PDE10A: variants seen among roughly 807,000 people sequenced by gnomAD.
The protein encoded by PDE10A is cAMP and cAMP-inhibited cGMP 3',5'-cyclic phosphodiesterase 10A.
In PDE10A, 39 loss-of-function variants were observed where a neutral mutation model predicts 97.7. The observed-to-expected ratio is 0.40, with a 90% confidence interval of 0.31 to 0.52. The LOEUF (loss-of-function observed/expected upper bound fraction) is 0.52, where lower values mean the gene tolerates loss of function less well. Ranked by LOEUF, PDE10A falls within the 20% of genes least tolerant of loss-of-function variation. The probability of loss-of-function intolerance (pLI) is 0.56; values close to 1 mark genes in which losing one functional copy is unlikely to be tolerated. For synonymous variants in PDE10A, 371 were observed against 376.8 expected (o/e 0.98, Z 0.18); for missense variants, 731 against 1,047.8 (o/e 0.70, Z 4.17).
intron 1 of PDE10A, among the ~76,000 whole-genome samples, chr6:165,815,927 C>A (rs2128468134): frequency 6.6e-6 from 1 of 152,058 alleles, no homozygotes; most frequent in Non-Finnish European, 1.5e-5. Flanking sequence ...CTTCTTGCCC[C>A]TACTCCAGGC....
chr6:165,360,969 C>T (rs1043621995), intron 18 of PDE10A, among the ~76,000 whole-genome samples: 5 of 152,092 alleles, frequency 3.3e-5, no homozygotes, highest in Middle Eastern at 3.2e-3. Context: ...ATTTGCTTTC[C>T]CCCAAAGAAC....
At chr6:165,788,558 A>T (rs1243889476) in intron 1 of PDE10A, among the ~76,000 whole-genome samples, 1 of 150,304 alleles carries the variant, frequency 6.7e-6, no homozygotes, top group Non-Finnish European at 1.5e-5. Context: ...AAGAAAAAGA[A>T]AAAAAAAAGA....
chr6:165,937,930 C>T (rs1182857003), intron 1 of PDE10A, among the ~76,000 whole-genome samples: 1 of 152,134 alleles, frequency 6.6e-6, no homozygotes, highest in Non-Finnish European at 1.5e-5. Context: ...ACCAGTCCCC[C>T]CTGTATGAAG....
chr6:165,622,983 G>A (rs1334169031), intron 1 of PDE10A, among the ~76,000 whole-genome samples: 1 of 152,096 alleles, frequency 6.6e-6, no homozygotes, highest in Non-Finnish European at 1.5e-5. Flanking sequence ...TCCTGCTCTT[G>A]CAGGTGACGC....
chr6:165,700,300 G>A (rs1191729351), intron 1 of PDE10A, among the ~76,000 whole-genome samples: 2 of 151,992 alleles, frequency 1.3e-5, no homozygotes, highest in Admixed American at 6.6e-5. Context: ...AAGGGGATGG[G>A]GTAGGGGGCA....
At chr6:165,941,226 A>T (rs1022126839) in intron 1 of PDE10A, among the ~76,000 whole-genome samples, 12 of 152,326 alleles carry the variant, frequency 7.9e-5, no homozygotes, top group African/African-American at 1.7e-4. Flanking sequence ...TACCAGTAAA[A>T]CACTTAGAAC....
chr6:165,886,571 T>C (rs1781638082), intron 1 of PDE10A, among the ~76,000 whole-genome samples: 1 of 152,134 alleles, frequency 6.6e-6, no homozygotes, highest in Non-Finnish European at 1.5e-5. Context: ...TCAGTGAGGG[T>C]TGAACAAGAA....
chr6:165,535,814 A>G (rs1357173956), intron 2 of PDE10A, among the ~76,000 whole-genome samples: 2 of 151,932 alleles, frequency 1.3e-5, no homozygotes, highest in Non-Finnish European at 2.9e-5. Context: ...AACATTGATG[A>G]AAAAAACTGA....
Position 165,812,155 on chromosome 6 carries a change from C to G in PDE10A, c.-615+175374G>C, listed in dbSNP as rs553107352. ...GCGTGAGCCACCCACCTAGCCAAGCCAGTGTCTTTATAATAAACCACCTCA... is the reference window on the plus strand; with the variant it reads ...GCGTGAGCCACCCACCTAGCCAAGCGAGTGTCTTTATAATAAACCACCTCA... On this transcript the variant is annotated intron_variant, in intron 1 of 19. Coordinates refer to the PDE10A transcript ENST00000366882. Among the ~76,000 whole-genome samples, 292 of 152,252 alleles carry G rather than the reference C, an allele frequency of 1.9e-3. 3 individuals are homozygous for G. Among genetic ancestry groups the G allele is most frequent in the Middle Eastern group, 3.4e-3 (1 of 294 alleles).
chr6:165,617,644 G>A (rs9459460), intron 1 of PDE10A, among the ~76,000 whole-genome samples: 7,544 of 152,138 alleles, frequency 0.05, 617 homozygotes, highest in African/African-American at 0.17. Flanking sequence ...CTGCCCACTC[G>A]GGACTAAGGA....
chr6:165,702,424 G>C (rs1313534181), intron 1 of PDE10A, among the ~76,000 whole-genome samples: 3 of 152,198 alleles, frequency 2.0e-5, no homozygotes, highest in African/African-American at 7.2e-5. Flanking sequence ...TTAGGATCAT[G>C]AGCCAGGCAG....
intron 1 of PDE10A, among the ~76,000 whole-genome samples, chr6:165,657,859 G>A: frequency 6.6e-6 from 1 of 152,142 alleles, no homozygotes; most frequent in East Asian, 1.9e-4. Flanking sequence ...TTCCACGGAG[G>A]ACTGTGACAC....
intron 1 of PDE10A, among the ~76,000 whole-genome samples, chr6:165,884,865 T>C (rs1259535660): frequency 6.6e-6 from 1 of 152,150 alleles, no homozygotes; most frequent in Non-Finnish European, 1.5e-5. Flanking sequence ...TCAGGGCTAA[T>C]TGGACACAAC....
chr6:165,426,291 A>G (rs1789163524), intron 10 of PDE10A, among the ~76,000 whole-genome samples: 1 of 152,148 alleles, frequency 6.6e-6, no homozygotes, highest in Non-Finnish European at 1.5e-5. Context: ...AAAACTTACT[A>G]CAAAACCACA....
chr6:165,608,066 ATATATATG>A (rs974900824), intron 1 of PDE10A, among the ~76,000 whole-genome samples: 25 of 144,998 alleles, frequency 1.7e-4, no homozygotes, highest in Non-Finnish European at 2.8e-4. Context: ...ATATATGTAT[ATATATATG>A]TATATATGTA....
intron 1 of PDE10A, among the ~76,000 whole-genome samples, chr6:165,799,806 C>T (rs1453935447): frequency 2.6e-5 from 4 of 152,162 alleles, no homozygotes; most frequent in Admixed American, 6.5e-5. Flanking sequence ...AGTGGACCAT[C>T]GTAACTCTGG....
chr6:165,868,695 A>G (rs1781119065), intron 1 of PDE10A, among the ~76,000 whole-genome samples: 1 of 152,124 alleles, frequency 6.6e-6, no homozygotes, highest in African/African-American at 2.4e-5. Context: ...AAAACAAACA[A>G]GGACATAATT....
chr6:165,592,491 A>C (rs1366615410), intron 1 of PDE10A, among the ~76,000 whole-genome samples: 1 of 152,208 alleles, frequency 6.6e-6, no homozygotes, highest in African/African-American at 2.4e-5. Flanking sequence ...CAGCAAAAGA[A>C]ACTATCATCG....
intron 1 of PDE10A, among the ~76,000 whole-genome samples, chr6:165,677,183 C>T (rs929829420): frequency 6.6e-6 from 1 of 152,204 alleles, no homozygotes; most frequent in Non-Finnish European, 1.5e-5. Context: ...ACCCTGTCCA[C>T]GGTGTGGCTG....
Sources: allele counts gnomAD v4.1 joint callset (sites outside exome capture counted in the v4.1 genomes callset), GRCh38; gene constraint gnomAD v4.1.1; transcripts MANE v1.5; gene names NCBI Gene and HGNC (gene_info 2026-07-23, HGNC 2026-07-21).